TDRD3: variants seen among roughly 807,000 people sequenced by gnomAD.
TDRD3 encodes tudor domain-containing protein 3.
TDRD3 carries 45 observed loss-of-function variants against 86.7 expected under a neutral mutation model. The ratio of observed to expected loss-of-function variants is 0.52; its 90% CI spans 0.41 to 0.67. The LOEUF (loss-of-function observed/expected upper bound fraction) is 0.67, where lower values mean the gene tolerates loss of function less well. TDRD3 is among the 30% of genes least tolerant of loss of function. The probability of loss-of-function intolerance (pLI) is 0.00; values close to 1 mark genes in which losing one functional copy is unlikely to be tolerated. For synonymous variants in TDRD3, 298 were observed against 301.7 expected, an observed-to-expected ratio of 0.99 and a Z score of 0.13; for missense variants, 814 against 889.0, an observed-to-expected ratio of 0.92 and a Z score of 1.07.
intron 1 of TDRD3, among the ~76,000 whole-genome samples, chr13:60,438,530 A>T (rs1955175366): frequency 6.6e-6 from 1 of 152,020 alleles, no homozygotes; most frequent in Non-Finnish European, 1.5e-5. Context: ...TATTTTTCTG[A>T]CTTTTATCGC....
intron 3 of TDRD3, among the ~76,000 whole-genome samples, chr13:60,457,283 T>C (rs1955699538): frequency 6.6e-6 from 1 of 152,198 alleles, no homozygotes; most frequent in Admixed American, 6.5e-5. Flanking sequence ...TAATAAATAA[T>C]ACCTCCTTTC....
At chr13:60,437,733 T>C (rs1328295442) in intron 1 of TDRD3, among the ~76,000 whole-genome samples, 1 of 152,122 alleles carries the variant, frequency 6.6e-6, no homozygotes, top group Non-Finnish European at 1.5e-5. Context: ...CATTACATAC[T>C]ATTTCCCTCT....
chr13:60,517,446 C>A (rs1217317052), intron 10 of TDRD3, among the ~76,000 whole-genome samples: 1 of 152,178 alleles, frequency 6.6e-6, no homozygotes, highest in Non-Finnish European at 1.5e-5. Flanking sequence ...CATCAAACAG[C>A]ATTACTACAT....
intron 1 of TDRD3, among the ~76,000 whole-genome samples, chr13:60,406,412 C>A (rs951325673): frequency 6.6e-6 from 1 of 152,144 alleles, no homozygotes; most frequent in Admixed American, 6.5e-5. Context: ...ATTGATCATA[C>A]TTTAAAATAT....
intron 3 of TDRD3, among the ~76,000 whole-genome samples, chr13:60,459,678 T>C (rs1378531500): frequency 6.6e-6 from 1 of 152,240 alleles, no homozygotes; most frequent in African/African-American, 2.4e-5. Flanking sequence ...TGCAGTGCAA[T>C]GGCTTGATCT....
intron 12 of TDRD3, chr13:60,537,954 T>C (rs1447160490): frequency 6.6e-6 from 1 of 151,994 alleles, no homozygotes; most frequent in Non-Finnish European, 1.5e-5. Context: ...TGTAGAAAAT[T>C]AGTTGCTTGT....
intron 12 of TDRD3, among the ~76,000 whole-genome samples, chr13:60,556,528 C>T (rs1211649846): frequency 6.6e-6 from 1 of 152,116 alleles, no homozygotes; most frequent in East Asian, 1.9e-4. Flanking sequence ...TAAAATAGAT[C>T]TGGGAATAGA....
intron 12 of TDRD3, among the ~76,000 whole-genome samples, chr13:60,566,775 T>A (rs1958469695): frequency 1.3e-5 from 2 of 152,312 alleles, no homozygotes; most frequent in Middle Eastern, 3.4e-3. Context: ...TTCTAAGTCC[T>A]TTTCAAATAT....
upstream of TDRD3, chr13:60,397,146 C>T (rs1392107144): frequency 5.1e-6 from 2 of 394,262 alleles, no homozygotes; most frequent in African/African-American, 4.1e-5. Flanking sequence ...GCCTGGGAGC[C>T]CCACACCAGG....
chr13:60,528,407 C>G lies in TDRD3; in HGVS notation c.1182C>G (p.Tyr394Ter). The G allele has an allele frequency of 1.2e-6, 2 of 1,613,566 alleles. No homozygotes were observed. Among genetic ancestry groups the G allele is most frequent in the Non-Finnish European group, 1.7e-6 (2 of 1,179,816 alleles). The part of the protein sequence containing the change: ...SQPQQLHQGQ[Y>*]RSSNTEQNGV... ...CACAGCAGCTTCATCAGGGACAATA[C>G]AGATCATCAAATACTGAGCAAAATG... Residue 394 changes from tyrosine (Y) to a stop codon, truncating the protein, a stop_gained, in exon 11 of 14, where the codon TAC (tyrosine) becomes TAG (stop). Coordinates refer to ENST00000377881, the MANE Select transcript of TDRD3 (RefSeq NM_001146070.2). LOFTEE classifies it high-confidence loss of function.
chr13:60,522,840 A>G (rs1957319513), intron 10 of TDRD3, among the ~76,000 whole-genome samples: 1 of 152,200 alleles, frequency 6.6e-6, no homozygotes, highest in African/African-American at 2.4e-5. Context: ...GAACAGATAC[A>G]GGTGATAAAA....
chr13:60,479,702 G>A (rs1175296152), intron 5 of TDRD3, among the ~76,000 whole-genome samples: 4 of 152,144 alleles, frequency 2.6e-5, no homozygotes, highest in Non-Finnish European at 5.9e-5. Flanking sequence ...ACATATTTAG[G>A]ATAGCTAAGT....
intron 4 of TDRD3, among the ~76,000 whole-genome samples, chr13:60,463,152 T>C (rs974141360): frequency 1.3e-5 from 2 of 151,930 alleles, no homozygotes; most frequent in African/African-American, 4.8e-5. Context: ...ATCCCAGCAC[T>C]TTGGGAAGTC....
intron 3 of TDRD3, among the ~76,000 whole-genome samples, chr13:60,456,993 G>A (rs1456497513): frequency 7.9e-5 from 12 of 152,116 alleles, no homozygotes; most frequent in Non-Finnish European, 1.8e-4. Flanking sequence ...ACCGCACCCA[G>A]CCTTAAGATG....
At chr13:60,554,354 G>A (rs1958138328) in intron 12 of TDRD3, among the ~76,000 whole-genome samples, 1 of 152,188 alleles carries the variant, frequency 6.6e-6, no homozygotes, top group Non-Finnish European at 1.5e-5. Flanking sequence ...AACACTGTTA[G>A]AATAACTTGA....
intron 7 of TDRD3, among the ~76,000 whole-genome samples, chr13:60,489,650 C>T (rs1480441721): frequency 6.6e-6 from 1 of 152,072 alleles, no homozygotes; most frequent in Non-Finnish European, 1.5e-5. Flanking sequence ...TGCTACTTGG[C>T]ACAAATCATA....
chr13:60,445,652 A>C (rs1955380673), intron 3 of TDRD3, among the ~76,000 whole-genome samples: 1 of 152,176 alleles, frequency 6.6e-6, no homozygotes, highest in South Asian at 2.1e-4. Context: ...GAATCCAAGA[A>C]TTTGCATTTC....
chr13:60,452,716 A>G (rs1262018877), intron 3 of TDRD3, among the ~76,000 whole-genome samples: 1 of 152,022 alleles, frequency 6.6e-6, no homozygotes, highest in African/African-American at 2.4e-5. Context: ...AGTTTGGTGC[A>G]AAAGTAATTG....
intron 1 of TDRD3, among the ~76,000 whole-genome samples, chr13:60,439,455 G>A (rs9538699): frequency 0.2 from 30,128 of 152,040 alleles, 3,617 homozygotes; most frequent in South Asian, 0.29. Context: ...CTCAGAAAGC[G>A]TATGAATAAT....
Sources: allele counts gnomAD v4.1 joint callset (sites outside exome capture counted in the v4.1 genomes callset), GRCh38; gene constraint gnomAD v4.1.1; transcripts MANE v1.5; gene names NCBI Gene and HGNC (gene_info 2026-07-23, HGNC 2026-07-21).